The following PHF2 variants were observed in gnomAD, a reference collection of about 807,000 sequenced individuals.
PHF2 encodes lysine-specific demethylase PHF2.
A neutral mutation model predicts 120.5 loss-of-function variants in PHF2; 27 were observed. The observed-to-expected ratio is 0.22, with a 90% CI of 0.17 to 0.31. PHF2 has a LOEUF of 0.31. PHF2 is among the 10% of genes least tolerant of loss of function. The pLI is 1.00. For missense variants in PHF2, 1,024 were observed against 1,434.8 expected (o/e 0.71, Z 4.63); for synonymous variants, 568 against 592.5 (o/e 0.96, Z 0.60).
Position 93,673,611 on chromosome 9 carries a change from A to G in PHF2, c.2375A>G (p.Gln792Arg). 1 of 1,587,736 alleles carries G rather than the reference A, an allele frequency of 6.3e-7. No homozygotes were observed. Among genetic ancestry groups the G allele is most frequent in the Non-Finnish European group, 8.6e-7 (1 of 1,163,160 alleles). Residue 792 changes from glutamine (Q) to arginine (R), a missense_variant, in exon 18 of 22, where the codon CAG becomes CGG. Transcript: ENST00000359246. ...CAGCCCCCGGCCTCCCCCAGCACAC[A>G]GGAAGCCATTCAGGGAATGCTGTCC... is the stretch of plus-strand genomic sequence containing the variant. ...SSQPPASPST[Q>R]EAIQGMLSMA... is the part of the protein sequence containing the mutation.
intron 1 of PHF2, among the ~76,000 whole-genome samples, chr9:93,628,268 C>T (rs1296713116): frequency 6.6e-6 from 1 of 152,088 alleles, no homozygotes; most frequent in African/African-American, 2.4e-5. Context: ...GGAAATGTTC[C>T]CCCCTCTTCT....
At chr9:93,601,150 C>G (rs549403154) in intron 1 of PHF2, among the ~76,000 whole-genome samples, 1 of 152,308 alleles carries the variant, frequency 6.6e-6, no homozygotes, top group East Asian at 1.9e-4. Context: ...ATCCTTACTT[C>G]CCCTGCTATT....
intron 4 of PHF2, among the ~76,000 whole-genome samples, chr9:93,646,122 C>T (rs1826255344): frequency 1.3e-5 from 2 of 152,176 alleles, no homozygotes; most frequent in African/African-American, 4.8e-5. Context: ...CCTGGTGGTG[C>T]GGGCCCATGT....
intron 2 of PHF2, among the ~76,000 whole-genome samples, chr9:93,630,441 G>C (rs552116557): frequency 6.6e-6 from 1 of 152,218 alleles, no homozygotes; most frequent in Non-Finnish European, 1.5e-5. Flanking sequence ...TGCTACACGG[G>C]GGGCCCAGCC....
intron 16 of PHF2, among the ~76,000 whole-genome samples, chr9:93,666,767 A>G (rs35171420): frequency 0.34 from 51,040 of 151,796 alleles, 9,021 homozygotes; most frequent in Non-Finnish European, 0.39. Flanking sequence ...CATCTCTACT[A>G]AAAATACAAA....
At chr9:93,592,231 A>G (rs1825240829) in intron 1 of PHF2, among the ~76,000 whole-genome samples, 2 of 151,812 alleles carry the variant, frequency 1.3e-5, no homozygotes, top group African/African-American at 4.8e-5. Flanking sequence ...CTTTTTCTCA[A>G]ACTCCTGGGG....
At chr9:93,657,950 GCAGGGCAGGCCAC>G (rs1273009571) in intron 9 of PHF2, among the ~76,000 whole-genome samples, 182 bp from the exon 10 acceptor site, 1 of 152,162 alleles carries the variant, frequency 6.6e-6, no homozygotes, top group Non-Finnish European at 1.5e-5. Flanking sequence ...CTTTCCTCAA[GCAGGGCAGGCCAC>G]CAGGAGGATG....
chr9:93,675,519 AC>A (rs1361460868), intron 19 of PHF2, among the ~76,000 whole-genome samples, 160 bp from the exon 20 acceptor site: 1 of 152,088 alleles, frequency 6.6e-6, no homozygotes, highest in Non-Finnish European at 1.5e-5. Context: ...GGGGCAGCTG[AC>A]CCTGCCCTAT....
rs1400109972 is a variant in PHF2 at position 93,666,174 on chromosome 9, C to T, written c.2187+114C>T. On this transcript the variant is annotated intron_variant, in intron 16 of 21. Transcript: ENST00000359246. ...CTGGGGGTGTTTCTGCATGAGATGGCAAAGGGGCCCCTTACCCTCACCCCA... is the reference window on the plus strand; with the variant it reads ...CTGGGGGTGTTTCTGCATGAGATGGTAAAGGGGCCCCTTACCCTCACCCCA... 13 of 1,046,256 alleles carry T rather than the reference C, an allele frequency of 1.2e-5. No individual in the cohort carries two copies. In the East Asian group the frequency reaches 2.5e-4, roughly 20 times the overall value. The allele number at this position is 1,046,256 out of a possible 1,614,324, so 64.8% of individuals were successfully genotyped here. A position where few individuals can be genotyped will look rare whatever the true frequency, so the allele number is the denominator to read the frequency against.
chr9:93,628,184 A>G (rs1167133341), intron 1 of PHF2, among the ~76,000 whole-genome samples: 1 of 152,236 alleles, frequency 6.6e-6, no homozygotes, highest in Non-Finnish European at 1.5e-5. Context: ...TTTTACATCA[A>G]TATTCATTAG....
rs1305310631 is a variant in PHF2, at chr9:93,678,761, A to G, written c.*1085A>G. 6.5e-6 allele frequency: 1 copy of G among 152,760 alleles called. No individual in the cohort carries two copies. The highest frequency in any genetic ancestry group is 1.5e-5 in the Non-Finnish European group (1 of 68,208). 9.5% of individuals were successfully genotyped at this position (152,760 alleles called of 1,614,324 possible). A position where few individuals can be genotyped will look rare whatever the true frequency, so the allele number is the denominator to read the frequency against. The stretch of plus-strand genomic sequence containing the variant: ...ACTTCTTTTTTATAAGAGTAAAAGT[A>G]TCTTTAGGAATTTCTTTCTATAGAG... On this transcript the variant is annotated 3_prime_UTR_variant, in exon 22 of 22. Coordinates refer to ENST00000359246, the MANE Select transcript of PHF2 (RefSeq NM_005392.4).
At chr9:93,638,665 A>G (rs1427828552) in intron 3 of PHF2, among the ~76,000 whole-genome samples, 1 of 152,222 alleles carries the variant, frequency 6.6e-6, no homozygotes, top group East Asian at 1.9e-4. Flanking sequence ...AGTCTTAATT[A>G]CTATAGTAAT....
intron 1 of PHF2, among the ~76,000 whole-genome samples, chr9:93,624,247 G>A (rs1825870047): frequency 1.3e-5 from 2 of 152,228 alleles, no homozygotes; most frequent in Admixed American, 6.5e-5. Flanking sequence ...AGTTAGTGAT[G>A]ATGGAGTTTG....
At chr9:93,645,562 G>A (rs1826241945) in intron 3 of PHF2, 67 bp from the exon 4 acceptor site, 1 of 1,473,250 alleles carries the variant, frequency 6.8e-7, no homozygotes, top group Non-Finnish European at 9.0e-7. Flanking sequence ...CCGAGGCCCT[G>A]TCCACACCTG....
chr9:93,656,663 C>A lies in PHF2; in HGVS notation c.1147+68C>A. On this transcript the variant is annotated intron_variant, in intron 9 of 21. Coordinates refer to ENST00000359246, the MANE Select transcript of PHF2 (RefSeq NM_005392.4). The surrounding 1 kb of genome is among the most constrained non-coding windows in gnomAD (Gnocchi z 4.1). The stretch of plus-strand genomic sequence containing the variant: ...GGCTGTGGGGGCAGCCAGACCTGGT[C>A]AGGGCTGACTGTCTGGGTGTGAGTG... 1 of 1,080,570 alleles carries A rather than the reference C, an allele frequency of 9.3e-7. No homozygotes were observed. Among genetic ancestry groups the A allele is most frequent in the South Asian group, 1.3e-5 (1 of 77,870 alleles). The allele number at this position is 1,080,570 out of a possible 1,614,324, so 66.9% of individuals were successfully genotyped here. A position where few individuals can be genotyped will look rare whatever the true frequency, so the allele number is the denominator to read the frequency against.
intron 1 of PHF2, among the ~76,000 whole-genome samples, chr9:93,624,266 T>TTGATGG (rs1358988247): frequency 6.6e-6 from 1 of 152,106 alleles, no homozygotes; most frequent in Non-Finnish European, 1.5e-5. Flanking sequence ...TGTGATGGTG[T>TTGATGG]TGATGGTGAT....
At chr9:93,659,192 C>T (rs1025375705) in intron 10 of PHF2, among the ~76,000 whole-genome samples, 31 of 152,254 alleles carry the variant, frequency 2.0e-4, no homozygotes, top group African/African-American at 5.5e-4. Flanking sequence ...CAGTCCAGGG[C>T]GCCCCTGCCA....
At chr9:93,602,247 C>CTTTTTTTTTTTTTTTTTTTTT (rs67001312) in intron 1 of PHF2, among the ~76,000 whole-genome samples, 1 of 79,670 alleles carries the variant, frequency 1.3e-5, no homozygotes, top group Non-Finnish European at 2.2e-5. Context: ...CCTAGAGATT[C>CTTTTTTTTTTTTTTTTTTTTT]TTTTTTTTTT....
At position 93,676,935 on chromosome 9, in the gene PHF2, G is replaced by A. The variant is rs368389876; in HGVS notation, c.3174G>A (p.Ser1058=). The change falls in exon 21 of 22, where the codon TCG becomes TCA. Residue 1058 remains serine, a synonymous_variant. Transcript: ENST00000359246. ...VFLTQRRPSA[S]SPNNNTAAKG... ...TCACACAGAGGCGGCCCTCCGCATC[G>A]TCTCCAAACAACAACACCGCTGCCA... 31 of 1,568,692 alleles carry A rather than the reference G, an allele frequency of 2.0e-5. No individual in the cohort carries two copies. The highest frequency in any genetic ancestry group is 1.7e-4 in the Middle Eastern group (1 of 5,960).
Sources: gnomAD v4.1 joint callset for allele counts (sites outside exome capture counted in the v4.1 genomes callset) on GRCh38, gnomAD v4.1.1 for gene constraint, Gnocchi (gnomAD v3.1) non-coding constraint, MANE v1.5 for transcripts, NCBI Gene and HGNC (gene_info 2026-07-23, HGNC 2026-07-21) for gene names.